Variants in RUFY3 observed in about 807,000 individuals in gnomAD.
RUFY3 encodes the protein RUN and FYVE domain containing 3.
Under a neutral mutation model 84.0 loss-of-function variants are expected in RUFY3, and 34 were observed. That is an observed-to-expected ratio of 0.40 (90% confidence interval 0.31 to 0.54). The LOEUF (loss-of-function observed/expected upper bound fraction) is 0.54. RUFY3 is among the 20% of genes least tolerant of loss of function. RUFY3 has a pLI of 0.39. For synonymous variants in RUFY3, 242 were observed against 252.9 expected (o/e 0.96, Z 0.41); for missense variants, 507 against 736.8 (o/e 0.69, Z 3.61).
intron 12 of RUFY3, 158 bp downstream of exon 12, chr4:70,789,750 T>C: frequency 7.6e-7 from 1 of 1,308,730 alleles, no homozygotes; most frequent in African/African-American, 1.5e-5. Context: ...ATGTGTGTTT[T>C]CTAAGGTATG....
intron 1 of RUFY3, among the ~76,000 whole-genome samples, chr4:70,757,246 C>T (rs1724181256): frequency 1.3e-5 from 2 of 152,206 alleles, no homozygotes; most frequent in South Asian, 4.1e-4. Flanking sequence ...CACTGCACTC[C>T]AGCCTGGGTG....
chr4:70,728,298 G>A (rs943138922), intron 1 of RUFY3, among the ~76,000 whole-genome samples: 3 of 152,186 alleles, frequency 2.0e-5, no homozygotes, highest in Non-Finnish European at 2.9e-5. Context: ...GTGGCTGATC[G>A]TGTGGCTGAC....
In RUFY3 at chr4:70,775,515, G is replaced by A. The variant is rs181842146; in HGVS notation, c.824+282G>A. On this transcript the variant is annotated intron_variant, in intron 7 of 17. Coordinates refer to ENST00000381006, the MANE Select transcript of RUFY3 (RefSeq NM_001037442.4). ...CTCTAGTGATTAAATAGATAAATAC[G>A]TAAATACATTCAGTTAAGAATTTTA... 1.6e-4 allele frequency among the ~76,000 whole-genome samples: 24 copies of A among 151,934 alleles called. No individual in the cohort carries two copies. In the East Asian group the frequency reaches 3.1e-3, roughly 20 times the overall value.
chr4:70,799,865 C>A, intron 14 of RUFY3: 1 of 319,692 alleles, frequency 3.1e-6, no homozygotes, highest in Non-Finnish European at 5.6e-6. Context: ...TATCTGGAGC[C>A]AACTTTGCAA....
intron 1 of RUFY3, among the ~76,000 whole-genome samples, chr4:70,708,419 C>G (rs1359562951): frequency 6.6e-6 from 1 of 152,020 alleles, no homozygotes; most frequent in African/African-American, 2.4e-5. Flanking sequence ...TCCTCGGCCT[C>G]ACAAGTGATG....
intron 1 of RUFY3, among the ~76,000 whole-genome samples, chr4:70,716,572 G>A (rs537182653): frequency 2.6e-4 from 40 of 152,180 alleles, no homozygotes; most frequent in African/African-American, 8.9e-4. Context: ...GGCCAGGTGC[G>A]GTGGCTCATG....
intron 5 of RUFY3, among the ~76,000 whole-genome samples, chr4:70,769,467 C>G (rs1726579824): frequency 6.6e-6 from 1 of 152,190 alleles, no homozygotes; most frequent in Non-Finnish European, 1.5e-5. Context: ...TAACAATCAC[C>G]TGAGCCTTCA....
At chr4:70,744,407 C>A (rs1022256631) in intron 1 of RUFY3, among the ~76,000 whole-genome samples, 5 of 151,550 alleles carry the variant, frequency 3.3e-5, no homozygotes, top group Non-Finnish European at 5.9e-5. Context: ...CACTTTGTTG[C>A]CCAGGCTGGT....
chr4:70,732,064 T>G (rs1007086886), intron 1 of RUFY3, among the ~76,000 whole-genome samples: 1 of 152,222 alleles, frequency 6.6e-6, no homozygotes, highest in Non-Finnish European at 1.5e-5. Flanking sequence ...TGATTATTCT[T>G]TTTGTTTTAC....
At chr4:70,746,952 TGTC>T (rs1184039420) in intron 1 of RUFY3, among the ~76,000 whole-genome samples, 6 of 152,280 alleles carry the variant, frequency 3.9e-5, no homozygotes, top group Admixed American at 6.5e-5. Context: ...GGGGGATCCT[TGTC>T]GTGATGGAAA....
At chr4:70,767,291 G>A (rs1404702721) in intron 4 of RUFY3, among the ~76,000 whole-genome samples, 1 of 78,394 alleles carries the variant, frequency 1.3e-5, no homozygotes, top group Non-Finnish European at 2.3e-5. Context: ...TTTTTTTTTA[G>A]TAGAGACAGG....
intron 12 of RUFY3, chr4:70,793,440 T>G (rs962167153): frequency 7.7e-5 from 82 of 1,059,340 alleles, no homozygotes; most frequent in Non-Finnish European, 8.9e-5. Flanking sequence ...GGATTTAACT[T>G]AAATTACTGT....
chr4:70,710,791 G>T (rs1328186505), intron 1 of RUFY3, among the ~76,000 whole-genome samples: 1 of 151,484 alleles, frequency 6.6e-6, no homozygotes, highest in African/African-American at 2.4e-5. Context: ...GGCCAGGCAT[G>T]GTGGCTCATG....
upstream of RUFY3, among the ~76,000 whole-genome samples, chr4:70,720,046 C>T (rs1056780930): frequency 1.5e-4 from 23 of 152,054 alleles, no homozygotes; most frequent in Non-Finnish European, 3.4e-4. Context: ...ATATATATGC[C>T]TTCTTACATT....
At chr4:70,787,884 C>T (rs777349673) in intron 10 of RUFY3, among the ~76,000 whole-genome samples, 15 of 152,100 alleles carry the variant, frequency 9.9e-5, no homozygotes, top group Non-Finnish European at 1.3e-4. Flanking sequence ...GAGCCCAAGG[C>T]ACAAGGCAGA....
At chr4:70,705,684 C>T (rs1356660181) in intron 1 of RUFY3, among the ~76,000 whole-genome samples, 1 of 152,184 alleles carries the variant, frequency 6.6e-6, no homozygotes, top group Non-Finnish European at 1.5e-5. Flanking sequence ...TGGGAACCTT[C>T]CCCGAAGGAG....
At chr4:70,758,103 A>G (rs1724343871) in intron 1 of RUFY3, among the ~76,000 whole-genome samples, 1 of 152,222 alleles carries the variant, frequency 6.6e-6, no homozygotes. Flanking sequence ...AGCTCAGTAC[A>G]ATGTTACACA....
chr4:70,780,796 A>G (rs1412200496), intron 8 of RUFY3, among the ~76,000 whole-genome samples: 3 of 152,232 alleles, frequency 2.0e-5, no homozygotes, highest in Non-Finnish European at 4.4e-5. Context: ...TCCCTCAGTC[A>G]TAAGACTTGT....
At chr4:70,744,031 A>G (rs1721745772) in intron 1 of RUFY3, among the ~76,000 whole-genome samples, 1 of 152,180 alleles carries the variant, frequency 6.6e-6, no homozygotes, top group Non-Finnish European at 1.5e-5. Flanking sequence ...ACACAATAGC[A>G]ATTCAGGGTC....
Sources: gnomAD v4.1 joint callset for allele counts (sites outside exome capture counted in the v4.1 genomes callset) on GRCh38, gnomAD v4.1.1 for gene constraint, MANE v1.5 for transcripts, NCBI Gene and HGNC (gene_info 2026-07-23, HGNC 2026-07-21) for gene names.